The following PKD1L1 variants were observed in gnomAD, a reference collection of about 807,000 sequenced individuals.
The protein encoded by PKD1L1 is polycystin-1-like protein 1.
PKD1L1 carries 236 observed loss-of-function variants against 323.4 expected under a neutral mutation model. The observed-to-expected ratio is 0.73, with a 90% confidence interval of 0.66 to 0.81. The LOEUF (loss-of-function observed/expected upper bound fraction) is 0.81. PKD1L1 is among the 40% of genes least tolerant of loss of function. The pLI is 0.00. For missense variants in PKD1L1, 3,320 were observed against 3,508.0 expected, an observed-to-expected ratio of 0.95 and a Z score of 1.35; for synonymous variants, 1,344 against 1,335.0, an observed-to-expected ratio of 1.01 and a Z score of -0.15.
intron 1 of PKD1L1, among the ~76,000 whole-genome samples, chr7:47,945,530 C>A (rs1334219479): frequency 6.6e-6 from 1 of 152,108 alleles, no homozygotes; most frequent in Non-Finnish European, 1.5e-5. Context: ...ATTTCCTTGC[C>A]TACTCTCAAC....
chr7:47,828,867 T>C (rs1405831024), intron 44 of PKD1L1, among the ~76,000 whole-genome samples: 8 of 152,184 alleles, frequency 5.3e-5, no homozygotes, highest in East Asian at 1.9e-4. Flanking sequence ...AAGTGACTTG[T>C]GGTTATTACA....
In PKD1L1 at chr7:47,915,503, C is replaced by T. The variant is rs1474048390; in HGVS notation, c.1157G>A (p.Ser386Asn). Reference sequence around the variant, plus strand: ...TGAGTCTTCCAGGCAGCTGTTTTCACTTTGGCACAAGTAAACATTTAAAGT... The same window carrying T: ...TGAGTCTTCCAGGCAGCTGTTTTCATTTTGGCACAAGTAAACATTTAAAGT... ...NTTLNVYLCQ[S>N]ENSCLEDSDP... Residue 386 changes from serine (S) to asparagine (N), a missense_variant, in exon 8 of 57, where the codon AGT becomes AAT. By Grantham distance (46) the Ser-to-Asn change is conservative. Coordinates refer to ENST00000289672, the MANE Select transcript of PKD1L1 (RefSeq NM_138295.5). The T allele has an allele frequency of 2.8e-6, 4 of 1,435,552 alleles. No homozygotes were observed. In the South Asian group the frequency reaches 4.6e-5, roughly 16 times the overall value. 88.9% of individuals were successfully genotyped at this position (1,435,552 alleles called of 1,614,324 possible). A position where few individuals can be genotyped will look rare whatever the true frequency, so the allele number is the denominator to read the frequency against.
chr7:47,865,293 T>C lies in PKD1L1; in HGVS notation c.4093-21A>G, dbSNP rs574246363. 1.9e-4 allele frequency: 311 copies of C among 1,605,616 alleles called. 3 individuals carry two copies. The South Asian group carries it at 3.3e-3, about 17-fold the overall frequency. On this transcript the variant is annotated intron_variant, in intron 25 of 56. Coordinates refer to ENST00000289672, the MANE Select transcript of PKD1L1 (RefSeq NM_138295.5). ...TCTTCCTGACCAGAAGAAACAACAATAAAACAAAAAGAAAATGCAAGGAGA... is the reference window on the plus strand; with the variant it reads ...TCTTCCTGACCAGAAGAAACAACAACAAAACAAAAAGAAAATGCAAGGAGA...
intron 19 of PKD1L1, among the ~76,000 whole-genome samples, chr7:47,882,318 C>A (rs575013476): frequency 3.5e-5 from 5 of 144,518 alleles, no homozygotes; most frequent in Non-Finnish European, 7.6e-5. Flanking sequence ...TCCTATCTTC[C>A]TTCCTTCCTT....
chr7:47,935,603 G>A, intron 4 of PKD1L1, among the ~76,000 whole-genome samples: 1 of 152,218 alleles, frequency 6.6e-6, no homozygotes, highest in East Asian at 1.9e-4. Context: ...GCCCTCACAG[G>A]TGGCTGTCAC....
intron 45 of PKD1L1, among the ~76,000 whole-genome samples, chr7:47,822,765 C>T (rs1667413211): frequency 6.6e-6 from 1 of 152,198 alleles, no homozygotes; most frequent in South Asian, 2.1e-4. Context: ...TTGTGGTTTT[C>T]AACATACAGA....
chr7:47,904,812 C>T (rs901752692), intron 11 of PKD1L1, among the ~76,000 whole-genome samples, 195 bp from the exon 12 acceptor site: 3 of 152,042 alleles, frequency 2.0e-5, no homozygotes, highest in African/African-American at 4.8e-5. Context: ...TTGACTACCC[C>T]CCTCTTCATT....
intron 23 of PKD1L1, 105 bp from the exon 24 acceptor site, chr7:47,874,115 T>G: frequency 2.8e-6 from 2 of 721,400 alleles, no homozygotes; most frequent in Non-Finnish European, 4.6e-6. Flanking sequence ...CTGTGACAAG[T>G]GCTGACAAAG....
intron 22 of PKD1L1, among the ~76,000 whole-genome samples, chr7:47,877,204 C>T (rs1279576168): frequency 6.6e-6 from 1 of 152,094 alleles, no homozygotes; most frequent in Non-Finnish European, 1.5e-5. Context: ...AACGGAGGCC[C>T]CTGTTCTAAC....
chr7:47,888,045 C>T lies in PKD1L1; in HGVS notation c.2781G>A (p.Leu927=), dbSNP rs1274245127. The T allele has an allele frequency of 1.9e-6, 3 of 1,613,980 alleles. No homozygotes were observed. The Admixed American group carries it at 5.0e-5, about 27-fold the overall frequency. ...MCEDCSEIPN[L]SYSWDLFLVN... is the part of the protein sequence containing the mutation. ...CTAAAAAGAGATCCCAGGAATAAGA[C>T]AGATTCGGTATTTCACTGCAGTCCT... Residue 927 remains leucine, a synonymous_variant, in exon 17 of 57, where the codon CTG becomes CTA. Transcript: ENST00000289672.
chr7:47,948,025 T>C (rs184697593), intron 1 of PKD1L1, among the ~76,000 whole-genome samples: 2 of 152,200 alleles, frequency 1.3e-5, no homozygotes, highest in African/African-American at 2.4e-5. Flanking sequence ...CTGTGCCAGG[T>C]TTCTCCTGGT....
chr7:47,836,572 G>A (rs1785461561), intron 37 of PKD1L1, among the ~76,000 whole-genome samples: 1 of 152,184 alleles, frequency 6.6e-6, no homozygotes, highest in African/African-American at 2.4e-5. Context: ...TTGTCCAGAG[G>A]ATTTATTTAA....
intron 37 of PKD1L1, 51 bp from the exon 38 acceptor site, chr7:47,835,294 TA>T: frequency 8.7e-7 from 1 of 1,153,040 alleles, no homozygotes; most frequent in Non-Finnish European, 1.2e-6. Context: ...GAGTCCCGCT[TA>T]AAACGCAGTC....
intron 26 of PKD1L1, 83 bp from the exon 27 acceptor site, chr7:47,858,968 T>C: frequency 6.7e-7 from 1 of 1,502,436 alleles, no homozygotes. Flanking sequence ...AGAACCGCAC[T>C]CATAAAGCTT....
intron 4 of PKD1L1, among the ~76,000 whole-genome samples, chr7:47,933,978 G>T (rs745613967): frequency 4.6e-5 from 7 of 152,170 alleles, no homozygotes; most frequent in Non-Finnish European, 8.8e-5. Context: ...TCCAGACTGG[G>T]ACTCCTTTTG....
intron 31 of PKD1L1, among the ~76,000 whole-genome samples, chr7:47,847,337 G>A (rs978615973): frequency 1.3e-5 from 2 of 152,134 alleles, no homozygotes; most frequent in Admixed American, 6.5e-5. Flanking sequence ...CTAGCATCCC[G>A]TATGTTCCAA....
intron 24 of PKD1L1, among the ~76,000 whole-genome samples, chr7:47,870,847 C>A (rs1333893291): frequency 6.6e-6 from 1 of 151,918 alleles, no homozygotes; most frequent in East Asian, 1.9e-4. Context: ...GTGGCATGTG[C>A]CTATAATCCC....
the PKD1L1 span, among the ~76,000 whole-genome samples, chr7:47,959,509 C>T: frequency 6.7e-6 from 1 of 149,810 alleles, no homozygotes; most frequent in Non-Finnish European, 1.5e-5. Flanking sequence ...CTCTACCCGG[C>T]CGCGACCCCG....
intron 45 of PKD1L1, among the ~76,000 whole-genome samples, chr7:47,824,975 T>A (rs1427642566): frequency 6.6e-6 from 1 of 152,234 alleles, no homozygotes; most frequent in Non-Finnish European, 1.5e-5. Flanking sequence ...GGATGCTGGA[T>A]AAATCGTAAA....
Sources: allele counts gnomAD v4.1 joint callset (sites outside exome capture counted in the v4.1 genomes callset), GRCh38; gene constraint gnomAD v4.1.1; transcripts MANE v1.5; gene names NCBI Gene and HGNC (gene_info 2026-07-23, HGNC 2026-07-21).